Variants in BUD31 observed in about 807,000 individuals in gnomAD.
The protein encoded by BUD31 is BUD31 spliceosome associated protein, also known as protein BUD31 homolog.
A neutral mutation model predicts 17.9 loss-of-function variants in BUD31; 9 were observed. That is an observed-to-expected ratio of 0.50 (90% CI 0.30 to 0.88). BUD31 has a LOEUF of 0.88. Among genes scored for constraint, BUD31 ranks in the 40% least tolerant of loss-of-function variants. The pLI is 0.06. For missense variants in BUD31, 148 were observed against 184.5 expected, an observed-to-expected ratio of 0.80 and a Z score of 1.15; for synonymous variants, 70 against 64.7, an observed-to-expected ratio of 1.08 and a Z score of -0.39.
chr7:99,412,776 T>G (rs1795240534), intron 3 of BUD31, among the ~76,000 whole-genome samples: 1 of 137,344 alleles, frequency 7.3e-6, no homozygotes, highest in Non-Finnish European at 1.5e-5. Context: ...CATGCCCAGC[T>G]AATTTTTTTT....
At chr7:99,417,054 A>G (rs950828422) in intron 4 of BUD31, 25 of 231,556 alleles carry the variant, frequency 1.1e-4, no homozygotes, top group South Asian at 9.4e-5. Flanking sequence ...TCCCGTTGCA[A>G]TACTGAATGC....
intron 3 of BUD31, among the ~76,000 whole-genome samples, chr7:99,415,489 ATAGT>A (rs1168919153): frequency 2.4e-4 from 36 of 152,228 alleles, no homozygotes; most frequent in Admixed American, 3.9e-4. Flanking sequence ...TCACAGGGAG[ATAGT>A]TAGGCCTCTG....
Position 99,417,543 on chromosome 7 carries a change from C to G in BUD31, c.332C>G (p.Thr111Ser). ...CTGCGGTGCATTCAGACACGGGACA[C>G]CAACTTCGGGACGAACTGCATCTGC... is the stretch of plus-strand genomic sequence containing the variant. The part of the protein sequence containing the change: ...CCLRCIQTRD[T>S]NFGTNCICRV... Residue 111 changes from threonine (T) to serine (S), a missense_variant, in exon 5 of 6, where the codon ACC (threonine) becomes AGC (serine). Thr to Ser is a moderately conservative substitution (Grantham distance 58). Transcript: ENST00000222969. The G allele has an allele frequency of 6.2e-7, 1 of 1,611,936 alleles. No homozygotes were observed. Among genetic ancestry groups the G allele is most frequent in the Non-Finnish European group, 8.5e-7 (1 of 1,178,496 alleles).
At chr7:99,411,575 ACTTC>A (rs1202392776) in intron 3 of BUD31, among the ~76,000 whole-genome samples, 4 of 152,038 alleles carry the variant, frequency 2.6e-5, no homozygotes, top group African/African-American at 7.2e-5. Context: ...GTTTTCTGTC[ACTTC>A]CTTGTAAATG....
chr7:99,415,758 C>G (rs1326721788), intron 3 of BUD31, among the ~76,000 whole-genome samples: 1 of 152,168 alleles, frequency 6.6e-6, no homozygotes, highest in Non-Finnish European at 1.5e-5. Context: ...GGCTTGCACT[C>G]GTTTTCTGGT....
Position 99,417,597 on chromosome 7 carries a change from T to C in BUD31, c.384+2T>C. On this transcript the variant is annotated splice_donor_variant, in intron 5 of 5. Transcript: ENST00000222969. LOFTEE classifies it high-confidence loss of function. Reference sequence around the variant, plus strand: ...GTGCCCAAAAGCAAGCTGGAAGTGGTAATGTCTGACACTCAAGCTTGGTGT... The same window carrying C: ...GTGCCCAAAAGCAAGCTGGAAGTGGCAATGTCTGACACTCAAGCTTGGTGT... 3 of 1,611,018 alleles carry C rather than the reference T, an allele frequency of 1.9e-6. No individual in the cohort carries two copies. The highest frequency in any genetic ancestry group is 2.5e-6 in the Non-Finnish European group (3 of 1,179,982).
At position 99,417,433 on chromosome 7, in the gene BUD31, C is replaced by T. The variant is rs200930410; in HGVS notation, c.222C>T (p.Leu74=). The change falls in exon 5 of 6, where the codon CTC becomes CTT. Residue 74 remains leucine, a synonymous_variant. Coordinates refer to ENST00000222969, the MANE Select transcript of BUD31 (RefSeq NM_003910.4). The part of the protein sequence containing the change: ...FYKRKAISRE[L]YEYCIKEGYA... Reference sequence around the variant, plus strand: ...CTTTCCCCATCTTTTTGACAGAACTCTATGAATATTGTATTAAAGAAGGCT... The same window carrying T: ...CTTTCCCCATCTTTTTGACAGAACTTTATGAATATTGTATTAAAGAAGGCT... The T allele has an allele frequency of 9.6e-5, 155 of 1,613,786 alleles. No homozygotes were observed. The highest frequency in any genetic ancestry group is 1.3e-4 in the Non-Finnish European group (148 of 1,179,908).
rs1795563821 is a variant in BUD31, at chr7:99,417,450, A to C, written c.239A>C (p.Lys80Thr). Residue 80 changes from lysine (K) to threonine (T), a missense_variant, in exon 5 of 6, where the codon AAA (lysine) becomes ACA (threonine). Physicochemically the swap from Lys to Thr is moderately conservative, Grantham distance 78. Transcript: ENST00000222969. ...ACAGAACTCTATGAATATTGTATTA[A>C]AGAAGGCTATGCAGACAAAAACCTG... is the stretch of plus-strand genomic sequence containing the variant. ...ISRELYEYCI[K>T]EGYADKNLIA... is the part of the protein sequence containing the mutation. The C allele has an allele frequency of 1.9e-6, 3 of 1,613,948 alleles. 1 individual carries two copies. In the South Asian group the frequency reaches 3.3e-5, roughly 18 times the overall value.
intron 3 of BUD31, among the ~76,000 whole-genome samples, chr7:99,415,673 C>T (rs991599073): frequency 5.9e-5 from 9 of 152,140 alleles, no homozygotes; most frequent in African/African-American, 1.4e-4. Context: ...CGCTTGGCAA[C>T]GGGCATCTTC....
intron 3 of BUD31, among the ~76,000 whole-genome samples, chr7:99,413,451 C>A (rs868718255): frequency 7.9e-5 from 12 of 152,162 alleles, no homozygotes; most frequent in African/African-American, 2.7e-4. Context: ...AGGACTTTGG[C>A]TGGGAGATGA....
chr7:99,412,821 C>T (rs1795242822), intron 3 of BUD31, among the ~76,000 whole-genome samples: 2 of 150,442 alleles, frequency 1.3e-5, no homozygotes, highest in African/African-American at 4.9e-5. Context: ...CGGGGTTTCA[C>T]CATGTTAGCC....
Position 99,419,538 on chromosome 7 carries a change from T to A in BUD31, c.*97T>A. 7.1e-7 allele frequency: 1 copy of A among 1,408,788 alleles called. No homozygotes were observed. The highest frequency in any genetic ancestry group is 1.4e-5 in the African/African-American group (1 of 70,714). 87.3% of individuals were successfully genotyped at this position (1,408,788 alleles called of 1,614,324 possible). A position where few individuals can be genotyped will look rare whatever the true frequency, so the allele number is the denominator to read the frequency against. ...CAGCGAGCAGTGCCCCAGGCCCGAG[T>A]TGGAGCACGGTCTCTATGGGGAAGG... On this transcript the variant is annotated 3_prime_UTR_variant, in exon 6 of 6. Transcript: ENST00000222969.
Position 99,409,052 on chromosome 7 carries a change from G to A in BUD31, c.-359G>A, listed in dbSNP as rs972942324. 1.3e-5 allele frequency: 2 copies of A among 152,440 alleles called. No homozygotes were observed. Among genetic ancestry groups the A allele is most frequent in the African/African-American group, 4.8e-5 (2 of 41,468 alleles). The allele number at this position is 152,440 out of a possible 1,614,324, so 9.4% of individuals were successfully genotyped here. ...CGATTACCTTGGCAACGGCTGAGGCGGGAGACCGGTGGTCTGCACCGTCCT... is the reference window on the plus strand; with the variant it reads ...CGATTACCTTGGCAACGGCTGAGGCAGGAGACCGGTGGTCTGCACCGTCCT... On this transcript the variant is annotated 5_prime_UTR_variant, in exon 1 of 6. Coordinates refer to ENST00000222969, the MANE Select transcript of BUD31 (RefSeq NM_003910.4).
intron 2 of BUD31, among the ~76,000 whole-genome samples, chr7:99,410,472 C>G (rs1795136778): frequency 1.3e-5 from 2 of 151,476 alleles, no homozygotes; most frequent in African/African-American, 4.9e-5. Context: ...TCAAGTGATC[C>G]TCCCATCTCA....
chr7:99,416,056 C>T (rs1795431374), intron 3 of BUD31, 82 bp from the exon 4 acceptor site: 1 of 1,567,420 alleles, frequency 6.4e-7, no homozygotes, highest in Admixed American at 1.8e-5. Flanking sequence ...GGTATTTATT[C>T]ATTATCAGTA....
At chr7:99,414,409 C>T (rs796925526) in intron 3 of BUD31, among the ~76,000 whole-genome samples, 1 of 152,048 alleles carries the variant, frequency 6.6e-6, no homozygotes, top group African/African-American at 2.4e-5. Flanking sequence ...AAATGCCCGG[C>T]GGCTTATTCT....
intron 5 of BUD31, chr7:99,418,047 AAC>A: frequency 9.5e-7 from 1 of 1,052,392 alleles, no homozygotes; most frequent in Non-Finnish European, 1.2e-6. Flanking sequence ...GGCTCACTGC[AAC>A]CTCCACCTCC....
chr7:99,412,471 C>T (rs1182469984), intron 3 of BUD31, among the ~76,000 whole-genome samples: 1 of 152,198 alleles, frequency 6.6e-6, no homozygotes, highest in Non-Finnish European at 1.5e-5. Context: ...CTTTGTTGCC[C>T]AGGCTGGAGT....
chr7:99,416,717 C>CTTT (rs59301509), intron 4 of BUD31: 8,412 of 98,764 alleles, frequency 0.085, 784 homozygotes, highest in African/African-American at 0.19. Context: ...CCGCTCTTGG[C>CTTT]TTTTTTTTTT....
Sources: gnomAD v4.1 joint callset for allele counts (sites outside exome capture counted in the v4.1 genomes callset) on GRCh38, gnomAD v4.1.1 for gene constraint, MANE v1.5 for transcripts, NCBI Gene and HGNC (gene_info 2026-07-23, HGNC 2026-07-21) for gene names.